Variants in ASAP1 observed in about 807,000 individuals in gnomAD.
The protein encoded by ASAP1 is arf-GAP with SH3 domain, ANK repeat and PH domain-containing protein 1.
Under a neutral mutation model 145.2 loss-of-function variants are expected in ASAP1, and 43 were observed. That is an observed-to-expected ratio of 0.30 (90% CI 0.23 to 0.38). ASAP1 has a LOEUF of 0.38. Ranked by LOEUF, ASAP1 falls within the 10% of genes least tolerant of loss-of-function variation. The probability of loss-of-function intolerance (pLI) is 1.00; values close to 1 mark genes in which losing one functional copy is unlikely to be tolerated. For missense variants in ASAP1, 1,018 were observed against 1,355.3 expected (o/e 0.75, Z 3.91); for synonymous variants, 546 against 515.5 (o/e 1.06, Z -0.80).
chr8:130,378,666 G>A (rs1168848165), intron 2 of ASAP1, among the ~76,000 whole-genome samples: 3 of 152,194 alleles, frequency 2.0e-5, no homozygotes, highest in East Asian at 3.9e-4. Flanking sequence ...TTTCTAAGAC[G>A]GCAATGGACA....
intron 24 of ASAP1, among the ~76,000 whole-genome samples, chr8:130,092,563 G>A (rs2097507865): frequency 6.6e-6 from 1 of 152,120 alleles, no homozygotes. Flanking sequence ...GGAGTTCGAG[G>A]ATACACTGAG....
chr8:130,435,036 C>T (rs141887883), intron 1 of ASAP1, among the ~76,000 whole-genome samples: 74 of 152,338 alleles, frequency 4.9e-4, no homozygotes, highest in Middle Eastern at 3.4e-3. Context: ...GGAAGGCACG[C>T]TGTCCCATCG....
intron 2 of ASAP1, among the ~76,000 whole-genome samples, chr8:130,375,180 A>G (rs16904257): frequency 0.093 from 14,199 of 152,030 alleles, 859 homozygotes; most frequent in South Asian, 0.28. Context: ...AGTGTCAGGG[A>G]TGGTTTATGG....
intron 26 of ASAP1, among the ~76,000 whole-genome samples, chr8:130,077,992 C>CTT (rs555579534): frequency 1.5e-4 from 21 of 139,462 alleles, no homozygotes; most frequent in Non-Finnish European, 2.2e-4. Flanking sequence ...TGTTTAAAAA[C>CTT]TTTTTTTTTT....
chr8:130,129,941 G>A (rs2097580566), intron 15 of ASAP1, among the ~76,000 whole-genome samples: 1 of 152,082 alleles, frequency 6.6e-6, no homozygotes, highest in East Asian at 1.9e-4. Context: ...ACTAGAAATT[G>A]TTTTGTTAAA....
chr8:130,098,208 C>T (rs2097522466), intron 24 of ASAP1, among the ~76,000 whole-genome samples: 2 of 152,142 alleles, frequency 1.3e-5, no homozygotes, highest in Admixed American at 1.3e-4. Context: ...AGGCAGAACC[C>T]CATTCTGTCT....
At chr8:130,160,083 G>A in intron 11 of ASAP1, 119 bp from the exon 12 acceptor site, 3 of 808,332 alleles carry the variant, frequency 3.7e-6, no homozygotes, top group Non-Finnish European at 6.2e-6. Context: ...GGAACTTTAA[G>A]AGCTGTCAGG....
At chr8:130,332,413 T>A (rs1347006622) in intron 3 of ASAP1, among the ~76,000 whole-genome samples, 1 of 152,244 alleles carries the variant, frequency 6.6e-6, no homozygotes, top group Non-Finnish European at 1.5e-5. Context: ...ACCATTTTTA[T>A]GATCATTTCT....
intron 12 of ASAP1, among the ~76,000 whole-genome samples, chr8:130,153,438 T>C (rs996494440): frequency 1.3e-5 from 2 of 148,662 alleles, no homozygotes; most frequent in Non-Finnish European, 3.0e-5. Flanking sequence ...GGCATAATCA[T>C]GGCTCACTGC....
intron 4 of ASAP1, among the ~76,000 whole-genome samples, chr8:130,220,317 G>T (rs1338705792): frequency 1.3e-5 from 2 of 152,008 alleles, no homozygotes; most frequent in Non-Finnish European, 2.9e-5. Context: ...TAGTTTGTTG[G>T]GTATTGACTA....
chr8:130,191,335 C>G (rs1241295394), intron 5 of ASAP1, among the ~76,000 whole-genome samples: 1 of 152,140 alleles, frequency 6.6e-6, no homozygotes, highest in Non-Finnish European at 1.5e-5. Context: ...CAGAGACCTG[C>G]AGGAGCAGAT....
At chr8:130,219,196 CT>C (rs11324757) in intron 4 of ASAP1, among the ~76,000 whole-genome samples, 30,469 of 146,382 alleles carry the variant, frequency 0.21, 3,155 homozygotes, top group South Asian at 0.34. Context: ...TCTCACATGT[CT>C]TTTTTTTTTT....
chr8:130,395,866 A>G (rs183431100), intron 2 of ASAP1, among the ~76,000 whole-genome samples: 6 of 152,112 alleles, frequency 3.9e-5, no homozygotes, highest in Non-Finnish European at 8.8e-5. Context: ...GGGTTTCACT[A>G]TGTTAGCTAG....
intron 15 of ASAP1, among the ~76,000 whole-genome samples, chr8:130,131,193 A>AAAC (rs1564995811): frequency 6.5e-5 from 9 of 138,140 alleles, no homozygotes; most frequent in Non-Finnish European, 8.0e-5. Context: ...AACAAACAAA[A>AAAC]AAGCCACTAG....
chr8:130,154,891 T>C (rs1266261651), intron 12 of ASAP1, among the ~76,000 whole-genome samples: 1 of 152,192 alleles, frequency 6.6e-6, no homozygotes, highest in Non-Finnish European at 1.5e-5. Flanking sequence ...CTTCTAGAAG[T>C]ACTGGCCAGG....
At chr8:130,160,612 A>G (rs1448426196) in intron 11 of ASAP1, among the ~76,000 whole-genome samples, 1 of 152,266 alleles carries the variant, frequency 6.6e-6, no homozygotes, top group Non-Finnish European at 1.5e-5. Context: ...TTGATTTATT[A>G]TTAGCATTCC....
chr8:130,053,639 G>C lies in ASAP1; in HGVS notation c.*1092C>G, dbSNP rs1404440932. The C allele has an allele frequency of 1.3e-5, 2 of 152,070 alleles. No individual in the cohort carries two copies. Among genetic ancestry groups the C allele is most frequent in the South Asian group, 2.1e-4 (1 of 4,820 alleles). The allele number at this position is 152,070 out of a possible 1,614,324, so 9.4% of individuals were successfully genotyped here. A position where few individuals can be genotyped will look rare whatever the true frequency, so the allele number is the denominator to read the frequency against. On this transcript the variant is annotated 3_prime_UTR_variant, in exon 30 of 30. Transcript: ENST00000518721. ...CATACAGTAGGGAAACTGTGTGAAG[G>C]GTTGACTTTTAAATTCATCTTGAAT...
chr8:130,092,259 G>T, intron 24 of ASAP1, 116 bp from the exon 25 acceptor site: 1 of 1,134,404 alleles, frequency 8.8e-7, no homozygotes, highest in Non-Finnish European at 1.2e-6. Context: ...AGAGACAAAA[G>T]CAAAAGGCTG....
intron 3 of ASAP1, among the ~76,000 whole-genome samples, chr8:130,310,165 G>A (rs956631371): frequency 1.2e-4 from 17 of 147,058 alleles, no homozygotes; most frequent in Non-Finnish European, 1.5e-4. Flanking sequence ...TGAGGGGAGG[G>A]GAGGAGATAA....
Sources: allele counts gnomAD v4.1 joint callset (sites outside exome capture counted in the v4.1 genomes callset), GRCh38; gene constraint gnomAD v4.1.1; transcripts MANE v1.5; gene names NCBI Gene and HGNC (gene_info 2026-07-23, HGNC 2026-07-21).